The following TMEM278 variants were observed in gnomAD, a reference collection of about 807,000 sequenced individuals.
TMEM278 encodes transmembrane protein 278, also known as transmembrane protein 88B.
At chr1:1,427,636 C>T in the TMEM278 span, 6 of 1,342,004 alleles carry the variant, frequency 4.5e-6, no homozygotes, top group East Asian at 9.8e-5. Flanking sequence ...GGGCTTCTCT[C>T]GCTGCCGCCG....
chr1:1,426,869 G>A, the TMEM278 span, among the ~76,000 whole-genome samples: 7 of 151,960 alleles, frequency 4.6e-5, no homozygotes, highest in Non-Finnish European at 8.8e-5. Context: ...GTGATGAGAG[G>A]GCGCAGGAGG....
chr1:1,426,224 G>A, the TMEM278 span: 29 of 1,420,340 alleles, frequency 2.0e-5, no homozygotes, highest in Non-Finnish European at 2.5e-5. Flanking sequence ...CGACCACCAG[G>A]CCTCAGCCCT....
chr1:1,426,852 C>T, the TMEM278 span, among the ~76,000 whole-genome samples: 2 of 151,986 alleles, frequency 1.3e-5, no homozygotes, highest in Non-Finnish European at 2.9e-5. Context: ...GGGGCTGGCG[C>T]CAGCTGGTGA....
chr1:1,427,128 C>G, the TMEM278 span, among the ~76,000 whole-genome samples: 1 of 148,508 alleles, frequency 6.7e-6, no homozygotes, highest in East Asian at 2.0e-4. Context: ...TCTACCGCCC[C>G]GCCCCGCTCT....
chr1:1,427,853 G>T, the TMEM278 span: 1 of 1,310,096 alleles, frequency 7.6e-7, no homozygotes, highest in Non-Finnish European at 9.7e-7. Context: ...GCGTGGCCCG[G>T]CCCGGAAAAC....
the TMEM278 span, among the ~76,000 whole-genome samples, chr1:1,429,344 T>A: frequency 8.4e-4 from 126 of 149,794 alleles, no homozygotes; most frequent in South Asian, 2.5e-3. Flanking sequence ...TGAAACTCCA[T>A]CTCAAAAAAA....
chr1:1,426,961 G>A, the TMEM278 span, among the ~76,000 whole-genome samples: 5,649 of 151,334 alleles, frequency 0.037, 373 homozygotes, highest in African/African-American at 0.13. Context: ...TACCTGCTGC[G>A]TCCCGGATCT....
the TMEM278 span, among the ~76,000 whole-genome samples, chr1:1,430,226 C>T: frequency 1.3e-5 from 2 of 152,204 alleles, no homozygotes; most frequent in African/African-American, 4.8e-5. Flanking sequence ...ACACAACAGT[C>T]TATTAAAAAT....
chr1:1,428,953 T>A, the TMEM278 span, among the ~76,000 whole-genome samples: 9 of 134,846 alleles, frequency 6.7e-5, no homozygotes, highest in Admixed American at 7.5e-4. Flanking sequence ...TGAGCCAAGA[T>A]CACGCCACTG....
At chr1:1,427,991 G>GA in the TMEM278 span, among the ~76,000 whole-genome samples, 3 of 133,612 alleles carry the variant, frequency 2.2e-5, no homozygotes, top group African/African-American at 8.4e-5. Context: ...GGGGAGGGGA[G>GA]GGGAAGAGAG....
chr1:1,428,223 G>T, the TMEM278 span, among the ~76,000 whole-genome samples: 1 of 150,990 alleles, frequency 6.6e-6, no homozygotes, highest in East Asian at 2.0e-4. Context: ...GGCAGAGCCC[G>T]GCAGGCAGCC....
At chr1:1,427,812 G>C in the TMEM278 span, 31 of 1,376,480 alleles carry the variant, frequency 2.3e-5, no homozygotes, top group Non-Finnish European at 2.9e-5. Context: ...CGAAACCCCG[G>C]GAGGCCTCCG....
chr1:1,429,500 G>C, the TMEM278 span, among the ~76,000 whole-genome samples: 1 of 152,008 alleles, frequency 6.6e-6, no homozygotes, highest in African/African-American at 2.4e-5. Context: ...TTTATATTCT[G>C]TACTAAATAA....
chr1:1,427,821 C>G, the TMEM278 span: 10 of 1,369,702 alleles, frequency 7.3e-6, no homozygotes, highest in Non-Finnish European at 9.4e-6. Flanking sequence ...GGGAGGCCTC[C>G]GAGCTCGCGC....
chr1:1,427,022 TCTC>T, the TMEM278 span, among the ~76,000 whole-genome samples: 1 of 23,780 alleles, frequency 4.2e-5, no homozygotes, highest in South Asian at 1.3e-3. Context: ...CCCCCTCCCC[TCTC>T]CCCGCCCTGC....
At chr1:1,427,222 C>T in the TMEM278 span, among the ~76,000 whole-genome samples, 2 of 146,642 alleles carry the variant, frequency 1.4e-5, no homozygotes, top group Non-Finnish European at 3.0e-5. Flanking sequence ...TCCTCCACCC[C>T]GCTCTCTCTC....
chr1:1,426,516 A>G, the TMEM278 span: 3 of 731,444 alleles, frequency 4.1e-6, no homozygotes, highest in South Asian at 1.0e-4. Flanking sequence ...CCTCCCTGGC[A>G]GCCCCTTCTC....
At chr1:1,426,384 G>C in the TMEM278 span, 1 of 1,396,706 alleles carries the variant, frequency 7.2e-7, no homozygotes, top group South Asian at 1.5e-5. Context: ...TGCCACTCGA[G>C]GGTGAGCCTG....
At chr1:1,428,452 A>T in the TMEM278 span, among the ~76,000 whole-genome samples, 1 of 152,078 alleles carries the variant, frequency 6.6e-6, no homozygotes, top group Non-Finnish European at 1.5e-5. Context: ...GGAGACACTA[A>T]GATCTCCTCA....
Sources: gnomAD v4.1 joint callset for allele counts (sites outside exome capture counted in the v4.1 genomes callset) on GRCh38, gnomAD v4.1.1 for gene constraint, MANE v1.5 for transcripts, NCBI Gene and HGNC (gene_info 2026-07-23, HGNC 2026-07-21) for gene names.